Variants in CDH20 observed in about 807,000 individuals in gnomAD.
The protein encoded by CDH20 is cadherin 20.
In CDH20, 29 loss-of-function variants were observed where a neutral mutation model predicts 74.2. That is an observed-to-expected ratio of 0.39 (90% CI 0.29 to 0.53). The LOEUF (loss-of-function observed/expected upper bound fraction) is 0.53. Ranked by LOEUF, CDH20 falls within the 20% of genes least tolerant of loss-of-function variation. The pLI, the probability that CDH20 is intolerant of heterozygous loss-of-function variation, is 0.69. For missense variants in CDH20, 988 were observed against 1,048.3 expected (o/e 0.94, Z 0.79); for synonymous variants, 469 against 405.4 (o/e 1.16, Z -1.88).
At chr18:61,512,853 C>T (rs991716138) in intron 6 of CDH20, among the ~76,000 whole-genome samples, 5 of 152,074 alleles carry the variant, frequency 3.3e-5, no homozygotes, top group Non-Finnish European at 7.4e-5. Context: ...TTTGATTGCA[C>T]TGTGGTCTGA....
chr18:61,554,436 G>A lies in CDH20; in HGVS notation c.2147G>A (p.Cys716Tyr), dbSNP rs754183745. Residue 716 changes from cysteine (C) to tyrosine (Y), a missense_variant, in exon 12 of 12, where the codon TGC becomes TAC. Transcript: ENST00000262717. Reference sequence around the variant, plus strand: ...CTCTCCCGCTACGTGCCTCAGACGTGCGCAGTGAACAGCACTGTCCACAGC... The same window carrying A: ...CTCTCCCGCTACGTGCCTCAGACGTACGCAGTGAACAGCACTGTCCACAGC... ...ESLSRYVPQT[C>Y]AVNSTVHSYV... is the part of the protein sequence containing the mutation. 2.0e-5 allele frequency: 32 copies of A among 1,613,294 alleles called. No individual in the cohort carries two copies. Among genetic ancestry groups the A allele is most frequent in the Non-Finnish European group, 2.0e-5 (24 of 1,179,934 alleles).
intron 1 of CDH20, among the ~76,000 whole-genome samples, chr18:61,429,826 G>GATT (rs1418480410): frequency 1.3e-5 from 2 of 152,190 alleles, no homozygotes; most frequent in Non-Finnish European, 2.9e-5. Context: ...GATGGTTTAC[G>GATT]ATTATTATTT....
intron 1 of CDH20, among the ~76,000 whole-genome samples, chr18:61,432,917 A>G (rs748044095): frequency 2.6e-5 from 4 of 152,134 alleles, no homozygotes; most frequent in Non-Finnish European, 5.9e-5. Flanking sequence ...ATACATGTTA[A>G]TTGAAGAAAA....
chr18:61,430,357 G>A (rs1055098425), intron 1 of CDH20, among the ~76,000 whole-genome samples: 89 of 152,094 alleles, frequency 5.9e-4, no homozygotes, highest in Non-Finnish European at 3.2e-4. Flanking sequence ...CAGAGGTAAA[G>A]TACTATTCTC....
intron 10 of CDH20, among the ~76,000 whole-genome samples, chr18:61,549,322 T>G (rs1913354021): frequency 6.6e-6 from 1 of 152,196 alleles, no homozygotes; most frequent in Non-Finnish European, 1.5e-5. Flanking sequence ...TAACAAAGTT[T>G]CACCAAGTTC....
intron 1 of CDH20, among the ~76,000 whole-genome samples, chr18:61,354,372 C>T (rs1248556715): frequency 1.3e-5 from 2 of 152,134 alleles, no homozygotes; most frequent in Non-Finnish European, 2.9e-5. Flanking sequence ...CTTTGGGAGG[C>T]CAAGGAGGGC....
intron 5 of CDH20, among the ~76,000 whole-genome samples, chr18:61,506,323 C>T (rs1250168146): frequency 1.3e-5 from 2 of 152,178 alleles, no homozygotes; most frequent in African/African-American, 4.8e-5. Context: ...TTAGTACAAA[C>T]TTTAAAGATT....
intron 1 of CDH20, among the ~76,000 whole-genome samples, chr18:61,458,573 C>T (rs964814605): frequency 6.6e-6 from 1 of 152,148 alleles, no homozygotes; most frequent in African/African-American, 2.4e-5. Context: ...AGCAATAGAG[C>T]CTCCCTCAGG....
chr18:61,536,935 T>C (rs1043037497), intron 8 of CDH20, among the ~76,000 whole-genome samples: 2 of 152,188 alleles, frequency 1.3e-5, no homozygotes, highest in Admixed American at 6.6e-5. Context: ...TTTCAATCTT[T>C]AATATGATTG....
chr18:61,554,347 C>A lies in CDH20; in HGVS notation c.2058C>A (p.Pro686=). Residue 686 remains proline (P), a synonymous_variant, in exon 12 of 12, where the codon CCC becomes CCA. Transcript: ENST00000262717. ...EAFDIAAMWN[P]REAQAGAAPK... ...TCGACATCGCGGCCATGTGGAACCC[C>A]CGGGAGGCGCAGGCGGGGGCCGCCC... 6.2e-7 allele frequency: 1 copy of A among 1,613,424 alleles called. No homozygotes were observed. Among genetic ancestry groups the A allele is most frequent in the African/African-American group, 1.3e-5 (1 of 75,054 alleles).
chr18:61,437,262 C>T (rs1053236703), intron 1 of CDH20, among the ~76,000 whole-genome samples: 5 of 152,146 alleles, frequency 3.3e-5, no homozygotes, highest in Non-Finnish European at 5.9e-5. Flanking sequence ...TCCCTGGGGG[C>T]CTGTCAGACA....
intron 5 of CDH20, among the ~76,000 whole-genome samples, chr18:61,506,860 GC>G (rs939308133): frequency 8.5e-5 from 13 of 152,142 alleles, no homozygotes; most frequent in South Asian, 2.1e-4. Context: ...CTCCACGGCT[GC>G]CCCCCCTTTA....
intron 1 of CDH20, among the ~76,000 whole-genome samples, chr18:61,337,394 C>T (rs2144081593): frequency 6.6e-6 from 1 of 152,268 alleles, no homozygotes; most frequent in South Asian, 2.1e-4. Context: ...ATGTAAACTC[C>T]ATGTCAACTC....
intron 5 of CDH20, among the ~76,000 whole-genome samples, chr18:61,505,335 CTTTT>C (rs35833642): frequency 2.8e-4 from 33 of 117,404 alleles, no homozygotes; most frequent in Middle Eastern, 4.3e-3. Context: ...AAACCAATAT[CTTTT>C]TTTTTTTTTT....
intron 1 of CDH20, among the ~76,000 whole-genome samples, chr18:61,400,178 G>A (rs1192019794): frequency 6.6e-6 from 1 of 152,160 alleles, no homozygotes; most frequent in Admixed American, 6.6e-5. Context: ...CCTGTTGCAT[G>A]TCCACCTCCC....
chr18:61,554,619 T>G lies in CDH20; in HGVS notation c.2330T>G (p.Leu777Arg). Residue 777 changes from leucine to arginine, a missense_variant, in exon 12 of 12, where the codon CTG (leucine) becomes CGG (arginine). Coordinates refer to ENST00000262717, the MANE Select transcript of CDH20 (RefSeq NM_031891.4). ...TSDSEQSFDFLTDWGPRFRKL... is the reference protein window; with the variant it reads ...TSDSEQSFDFRTDWGPRFRKL... ...GACTCGGAACAGAGCTTCGACTTCC[T>G]GACGGACTGGGGGCCCCGCTTCCGG... 5 of 1,606,806 alleles carry G rather than the reference T, an allele frequency of 3.1e-6. No homozygotes were observed. The highest frequency in any genetic ancestry group is 2.2e-5 in the South Asian group (2 of 89,994).
At chr18:61,509,743 G>A (rs1911712328) in intron 6 of CDH20, among the ~76,000 whole-genome samples, 1 of 152,122 alleles carries the variant, frequency 6.6e-6, no homozygotes, top group Non-Finnish European at 1.5e-5. Flanking sequence ...AGGACAGAAA[G>A]AGGGAGACCA....
chr18:61,367,882 G>A (rs539547660), intron 1 of CDH20, among the ~76,000 whole-genome samples: 18 of 152,126 alleles, frequency 1.2e-4, no homozygotes, highest in African/African-American at 3.1e-4. Flanking sequence ...GTAGATGGCC[G>A]TCTTCTCTTT....
At chr18:61,384,214 C>T (rs1219175561) in intron 1 of CDH20, among the ~76,000 whole-genome samples, 1 of 152,122 alleles carries the variant, frequency 6.6e-6, no homozygotes, top group East Asian at 1.9e-4. Flanking sequence ...AAAAATGCTG[C>T]ACTGAATGTT....
Sources: allele counts gnomAD v4.1 joint callset (sites outside exome capture counted in the v4.1 genomes callset), GRCh38; gene constraint gnomAD v4.1.1; transcripts MANE v1.5; gene names NCBI Gene and HGNC (gene_info 2026-07-23, HGNC 2026-07-21).